Variants in DYRK1A observed in about 807,000 individuals in gnomAD.
DYRK1A encodes dual specificity tyrosine-phosphorylation-regulated kinase 1A.
In DYRK1A, 9 loss-of-function variants were observed where a neutral mutation model predicts 79.7. That is an observed-to-expected ratio of 0.11 (90% CI 0.07 to 0.20). The LOEUF is 0.20. Among genes scored for constraint, DYRK1A ranks in the 10% least tolerant of loss-of-function variants. The pLI, the probability that DYRK1A is intolerant of heterozygous loss-of-function variation, is 1.00. For synonymous variants in DYRK1A, 349 were observed against 329.7 expected (o/e 1.06, Z -0.63); for missense variants, 622 against 956.0 (o/e 0.65, Z 4.61).
intron 2 of DYRK1A, among the ~76,000 whole-genome samples, chr21:37,427,057 G>A (rs948989726): frequency 2.0e-5 from 3 of 152,200 alleles, no homozygotes; most frequent in African/African-American, 7.2e-5. Flanking sequence ...AAGAACTAAA[G>A]CAATGAAACT....
chr21:37,406,753 A>ATCTC (rs1248011613), intron 1 of DYRK1A, among the ~76,000 whole-genome samples: 26 of 147,060 alleles, frequency 1.8e-4, no homozygotes, highest in East Asian at 3.9e-4. Context: ...ATATCTCTAT[A>ATCTC]TATCTATATA....
intron 2 of DYRK1A, among the ~76,000 whole-genome samples, chr21:37,449,139 T>A (rs1389753116): frequency 6.6e-6 from 1 of 152,238 alleles, no homozygotes; most frequent in Admixed American, 6.5e-5. Flanking sequence ...TTTGTTTGTA[T>A]TAGTTCAAGT....
At chr21:37,460,827 CTTA>C (rs1178607763) in intron 2 of DYRK1A, among the ~76,000 whole-genome samples, 2 of 152,006 alleles carry the variant, frequency 1.3e-5, no homozygotes, top group African/African-American at 2.4e-5. Flanking sequence ...TTTATTCATT[CTTA>C]TTATTTAAAA....
At position 37,508,151 on chromosome 21, in the gene DYRK1A, A is replaced by G. The variant is rs148476736; in HGVS notation, c.1644+1928A>G. On this transcript the variant is annotated intron_variant, in intron 11 of 11. Transcript: ENST00000647188. Reference sequence around the variant, plus strand: ...ACATCTTAATACGTTTTTATTCTCCACCTTTCACTTTACCTCATTGTTATG... The same window carrying G: ...ACATCTTAATACGTTTTTATTCTCCGCCTTTCACTTTACCTCATTGTTATG... Among the ~76,000 whole-genome samples, 9 of 152,050 alleles carry G rather than the reference A, an allele frequency of 5.9e-5. No individual in the cohort carries two copies. In the East Asian group the frequency reaches 1.7e-3, roughly 29 times the overall value.
In DYRK1A at chr21:37,481,872, T is replaced by G. The variant is rs573321069; in HGVS notation, c.489+1046T>G. Among the ~76,000 whole-genome samples the G allele has an allele frequency of 2.6e-5, 4 of 152,116 alleles. No individual in the cohort carries two copies. In the East Asian group the frequency reaches 5.8e-4, roughly 22 times the overall value. On this transcript the variant is annotated intron_variant, in intron 5 of 11. Transcript: ENST00000647188. The stretch of plus-strand genomic sequence containing the variant: ...TTAAAAAAAAAAAATGTTAGGGGGA[T>G]CTCTGGTTGTGGTCCCCCAGCTGTT...
At position 37,466,563 on chromosome 21, in the gene DYRK1A, A is replaced by G. The variant is rs947171879; in HGVS notation, c.11-6121A>G. On this transcript the variant is annotated intron_variant, in intron 2 of 11. Coordinates refer to ENST00000647188, the MANE Select transcript of DYRK1A (RefSeq NM_001347721.2). ...AACAGAAGAAGGTAAAGGTAAAAAG[A>G]TGGACAAAAGACATACCATACAAAA... Among the ~76,000 whole-genome samples, 4 of 152,196 alleles carry G rather than the reference A, an allele frequency of 2.6e-5. No homozygotes were observed. In the South Asian group the frequency reaches 6.2e-4, roughly 24 times the overall value.
In DYRK1A at chr21:37,512,323, A is replaced by G. The variant is rs774207930; in HGVS notation, c.2057A>G (p.Asn686Ser). 1.9e-6 allele frequency: 3 copies of G among 1,614,238 alleles called. No individual in the cohort carries two copies. Among genetic ancestry groups the G allele is most frequent in the Non-Finnish European group, 2.5e-6 (3 of 1,180,038 alleles). Reference sequence around the variant, plus strand: ...GCTAATACCTTGGACTTTGGACAGAATGGAGCTATGGACGTTAATTTGACC... The same window carrying G: ...GCTAATACCTTGGACTTTGGACAGAGTGGAGCTATGGACGTTAATTTGACC... ...VAANTLDFGQ[N>S]GAMDVNLTVY... Residue 686 changes from asparagine to serine, a missense_variant, in exon 12 of 12, where the codon AAT becomes AGT. Physicochemically the swap from Asn to Ser is conservative, Grantham distance 46. Coordinates refer to ENST00000647188, the MANE Select transcript of DYRK1A (RefSeq NM_001347721.2).
At chr21:37,492,948 A>G (rs906623386) in intron 7 of DYRK1A, 69 bp from the exon 8 acceptor site, 9 of 1,300,710 alleles carry the variant, frequency 6.9e-6, no homozygotes, top group Admixed American at 1.9e-5. Context: ...TATCAGATCA[A>G]TGTTTTTAAT....
At position 37,512,048 on chromosome 21, in the gene DYRK1A, T is replaced by C. The variant is rs2053765774; in HGVS notation, c.1782T>C (p.Gly594=). ...AGAATGCATTGCATCATCACCATGG[T>C]AACAGTTCCCATCACCATCACCACC... ...PQQNALHHHH[G]NSSHHHHHHH... The change falls in exon 12 of 12, where the codon GGT becomes GGC. Residue 594 remains glycine, a synonymous_variant. Coordinates refer to ENST00000647188, the MANE Select transcript of DYRK1A (RefSeq NM_001347721.2). 2 of 1,613,888 alleles carry C rather than the reference T, an allele frequency of 1.2e-6. No individual in the cohort carries two copies. Among genetic ancestry groups the C allele is most frequent in the Admixed American group, 1.7e-5 (1 of 59,968 alleles).
At chr21:37,394,523 G>A (rs1245865780) in intron 1 of DYRK1A, among the ~76,000 whole-genome samples, 1 of 152,094 alleles carries the variant, frequency 6.6e-6, no homozygotes. Context: ...GGCCTGTTAG[G>A]AATTGGACTG....
At position 37,525,911 on chromosome 21, in the gene DYRK1A, A is replaced by G. The variant is rs1313884986; in HGVS notation, c.*13380A>G. ...GAACTGCCCCGAACCACCGTTACTA[A>G]ACACTGAATAGTTTTGGAAATTCAC... On this transcript the variant is annotated 3_prime_UTR_variant, in exon 12 of 12. Transcript: ENST00000647188. 3 of 152,230 alleles carry G rather than the reference A, an allele frequency of 2.0e-5. No individual in the cohort carries two copies. The highest frequency in any genetic ancestry group is 2.9e-5 in the Non-Finnish European group (2 of 68,046). 9.4% of individuals were successfully genotyped at this position (152,230 alleles called of 1,614,324 possible).
At chr21:37,447,013 A>T (rs2051295804) in intron 2 of DYRK1A, among the ~76,000 whole-genome samples, 1 of 151,666 alleles carries the variant, frequency 6.6e-6, no homozygotes, top group African/African-American at 2.4e-5. Context: ...TGTGAGAGGG[A>T]TGGGTTGGGA....
At chr21:37,370,532 C>T (rs1416259014) in intron 1 of DYRK1A, among the ~76,000 whole-genome samples, 1 of 152,108 alleles carries the variant, frequency 6.6e-6, no homozygotes, top group Non-Finnish European at 1.5e-5. Context: ...TTTGTCTTTG[C>T]TTTGGCATTA....
At chr21:37,413,253 C>G (rs894833223) in intron 1 of DYRK1A, among the ~76,000 whole-genome samples, 1 of 151,834 alleles carries the variant, frequency 6.6e-6, no homozygotes, top group African/African-American at 2.4e-5. Flanking sequence ...ATTTCTGGGC[C>G]TTGTTATTTT....
At chr21:37,369,550 T>C (rs570395901) in intron 1 of DYRK1A, among the ~76,000 whole-genome samples, 5 of 152,378 alleles carry the variant, frequency 3.3e-5, no homozygotes, top group South Asian at 2.1e-4. Flanking sequence ...TTTCTGTCAA[T>C]GTCTACACCT....
intron 2 of DYRK1A, 115 bp from the exon 3 acceptor site, chr21:37,472,569 A>C: frequency 1.2e-6 from 1 of 818,978 alleles, no homozygotes; most frequent in Non-Finnish European, 1.8e-6. Context: ...TAGTTAGAAA[A>C]GTTTTTTAAT....
intron 2 of DYRK1A, among the ~76,000 whole-genome samples, chr21:37,457,326 G>A (rs984654241): frequency 6.6e-5 from 10 of 152,054 alleles, no homozygotes; most frequent in Admixed American, 2.0e-4. Flanking sequence ...TCCACCTCCC[G>A]GGTTCAAGCT....
intron 2 of DYRK1A, among the ~76,000 whole-genome samples, chr21:37,434,226 TTC>T (rs2050858508): frequency 6.6e-6 from 1 of 152,204 alleles, no homozygotes; most frequent in South Asian, 2.1e-4. Flanking sequence ...CTAGACGTCT[TTC>T]TGGAGACGTT....
chr21:37,443,464 C>T (rs369399313), intron 2 of DYRK1A, among the ~76,000 whole-genome samples: 3 of 152,290 alleles, frequency 2.0e-5, no homozygotes, highest in Admixed American at 1.3e-4. Context: ...TGTGAATTTT[C>T]ACTTTGTCGG....
Sources: allele counts gnomAD v4.1 joint callset (sites outside exome capture counted in the v4.1 genomes callset), GRCh38; gene constraint gnomAD v4.1.1; transcripts MANE v1.5; gene names NCBI Gene and HGNC (gene_info 2026-07-23, HGNC 2026-07-21).